Variants in HIP1 observed in about 807,000 individuals in gnomAD.
The protein encoded by HIP1 is huntingtin interacting protein 1, also known as huntingtin-interacting protein 1.
A neutral mutation model predicts 147.6 loss-of-function variants in HIP1; 65 were observed. The observed-to-expected ratio is 0.44, with a 90% CI of 0.36 to 0.54. HIP1 has a LOEUF of 0.54. Ranked by LOEUF, HIP1 falls within the 20% of genes least tolerant of loss-of-function variation. The pLI, the probability that HIP1 is intolerant of heterozygous loss-of-function variation, is 0.00. For synonymous variants in HIP1, 479 were observed against 504.0 expected (o/e 0.95, Z 0.67); for missense variants, 1,061 against 1,299.6 (o/e 0.82, Z 2.82).
intron 1 of HIP1, among the ~76,000 whole-genome samples, chr7:75,677,536 T>C (rs2705806): frequency 0.58 from 83,606 of 144,616 alleles, 24,238 homozygotes; most frequent in African/African-American, 0.67. Context: ...AACCTGGAGG[T>C]GGAGTTTGCA....
chr7:75,548,814 G>A, intron 23 of HIP1, 77 bp downstream of exon 23: 1 of 1,111,798 alleles, frequency 9.0e-7, no homozygotes, highest in Non-Finnish European at 1.4e-6. Flanking sequence ...GAACGACTGT[G>A]ACATGTTTAA....
intron 1 of HIP1, among the ~76,000 whole-genome samples, chr7:75,664,742 TC>T (rs1221091424): frequency 1.3e-5 from 2 of 151,900 alleles, no homozygotes; most frequent in Non-Finnish European, 2.9e-5. Context: ...TGCCTCAGCT[TC>T]CTGAGTAGCT....
chr7:75,693,286 G>A (rs144883888), intron 1 of HIP1, among the ~76,000 whole-genome samples: 6 of 152,020 alleles, frequency 3.9e-5, no homozygotes, highest in Non-Finnish European at 8.8e-5. Context: ...CTCCTTTGTT[G>A]TTTTATTTGT....
intron 8 of HIP1, among the ~76,000 whole-genome samples, chr7:75,569,622 A>ACAAAACAAAT (rs1216188097): frequency 2.0e-5 from 3 of 152,104 alleles, no homozygotes; most frequent in Non-Finnish European, 4.4e-5. Flanking sequence ...ACAAAACAAA[A>ACAAAACAAAT]CAAAACAAAA....
chr7:75,655,586 A>AAAAAG (rs1204729555), intron 1 of HIP1, among the ~76,000 whole-genome samples: 60 of 150,834 alleles, frequency 4.0e-4, no homozygotes, highest in East Asian at 1.6e-3. Context: ...GTCTCAAAAA[A>AAAAAG]AAAAGAAAAG....
In HIP1 at chr7:75,581,251, T is replaced by G. The variant is rs1554498530; in HGVS notation, c.590A>C (p.Asn197Thr). Residue 197 changes from asparagine to threonine, a missense_variant, in exon 7 of 31, where the codon AAC becomes ACC. Asn to Thr is a moderately conservative substitution (Grantham distance 65). Around this residue, in one of 3 missense-constraint regions of HIP1, gnomAD observed 225 missense variants for 292.9 expected, o/e 0.77. Coordinates refer to ENST00000336926, the MANE Select transcript of HIP1 (RefSeq NM_005338.7). ...AAGAGACTCACCTGTTTGGAAGAGG[T>G]TGAGTTCACACTCCAGGTAGTCAAA... is the stretch of plus-strand genomic sequence containing the variant. ...EMFDYLECEL[N>T]LFQTVFNSLD... The G allele has an allele frequency of 6.2e-7, 1 of 1,611,018 alleles. No individual in the cohort carries two copies. Among genetic ancestry groups the G allele is most frequent in the South Asian group, 1.1e-5 (1 of 90,462 alleles).
At chr7:75,669,593 C>T (rs1010705884) in intron 1 of HIP1, among the ~76,000 whole-genome samples, 1 of 144,764 alleles carries the variant, frequency 6.9e-6, no homozygotes, top group Admixed American at 7.0e-5. Context: ...ACAAGAAACA[C>T]CATACCTGTT....
intron 19 of HIP1, among the ~76,000 whole-genome samples, chr7:75,554,734 T>C (rs1448034326): frequency 6.6e-6 from 1 of 152,138 alleles, no homozygotes; most frequent in African/African-American, 2.4e-5. Context: ...TTTATCAGTG[T>C]GACCCACTGT....
intron 2 of HIP1, among the ~76,000 whole-genome samples, chr7:75,592,816 C>T (rs1432072201): frequency 6.6e-6 from 1 of 152,220 alleles, no homozygotes; most frequent in African/African-American, 2.4e-5. Flanking sequence ...ATAAAATCCA[C>T]TTGAGTAGAC....
intron 1 of HIP1, among the ~76,000 whole-genome samples, chr7:75,623,090 C>T (rs1213523267): frequency 6.9e-6 from 1 of 145,718 alleles, no homozygotes; most frequent in African/African-American, 2.6e-5. Context: ...CCCAGCTACT[C>T]GGGAGGCTGA....
chr7:75,635,053 C>A lies in HIP1; in HGVS notation c.121-35806G>T, dbSNP rs114199554. Among the ~76,000 whole-genome samples the A allele has an allele frequency of 7.3e-5, 11 of 151,332 alleles. No individual in the cohort carries two copies. The East Asian group carries it at 1.9e-3, about 27-fold the overall frequency. On this transcript the variant is annotated intron_variant, in intron 1 of 30. Transcript: ENST00000336926. Reference sequence around the variant, plus strand: ...TATGTTCTTTGGTAATAATTGATAGCGTTGACTCTATTTCCCAAATTACAG... The same window carrying A: ...TATGTTCTTTGGTAATAATTGATAGAGTTGACTCTATTTCCCAAATTACAG...
chr7:75,621,455 C>T (rs1460717199), intron 1 of HIP1, among the ~76,000 whole-genome samples: 1 of 152,128 alleles, frequency 6.6e-6, no homozygotes, highest in East Asian at 1.9e-4. Flanking sequence ...GGGGTCTTGC[C>T]ATGTTGCCCA....
At chr7:75,732,971 C>G (rs1209599336) in intron 1 of HIP1, among the ~76,000 whole-genome samples, 1 of 152,192 alleles carries the variant, frequency 6.6e-6, no homozygotes, top group African/African-American at 2.4e-5. Context: ...ACGAGCCCCC[C>G]AGAGCCGGTC....
intron 1 of HIP1, among the ~76,000 whole-genome samples, chr7:75,686,542 A>G (rs1187004874): frequency 6.6e-6 from 1 of 152,004 alleles, no homozygotes; most frequent in Non-Finnish European, 1.5e-5. Context: ...CAGCGCAGGG[A>G]GCTTATTTGG....
chr7:75,636,108 G>A (rs371061195), intron 1 of HIP1, among the ~76,000 whole-genome samples: 1 of 150,436 alleles, frequency 6.6e-6, no homozygotes, highest in Admixed American at 6.6e-5. Flanking sequence ...TTGGGAGGCT[G>A]AGGTGGGTGG....
At chr7:75,652,396 T>G (rs1422241295) in intron 1 of HIP1, among the ~76,000 whole-genome samples, 1 of 151,702 alleles carries the variant, frequency 6.6e-6, no homozygotes, top group African/African-American at 2.4e-5. Context: ...AGAGATGGGG[T>G]GTTGCTCTGT....
rs185605362 is a variant in HIP1, at chr7:75,703,529, G to T, written c.120+35272C>A. ...GTGGTGGCACATGCCTGTAATCCCA[G>T]CTACTCAGGAGGCTGAGGCAAGAGA... On this transcript the variant is annotated intron_variant, in intron 1 of 30. Transcript: ENST00000336926. Among the ~76,000 whole-genome samples the T allele has an allele frequency of 8.4e-3, 1,271 of 152,044 alleles. 12 individuals carry two copies. Among genetic ancestry groups the T allele is most frequent in the Non-Finnish European group, 0.013 (916 of 67,978 alleles).
At chr7:75,649,824 C>T (rs1161114161) in intron 1 of HIP1, among the ~76,000 whole-genome samples, 2 of 152,192 alleles carry the variant, frequency 1.3e-5, no homozygotes, top group African/African-American at 4.8e-5. Context: ...AAGCTCCCAC[C>T]TGGAATTTTC....
intron 16 of HIP1, among the ~76,000 whole-genome samples, chr7:75,557,053 T>TA (rs1563200810): frequency 6.6e-6 from 1 of 150,722 alleles, no homozygotes; most frequent in African/African-American, 2.4e-5. Context: ...TTTATTTATT[T>TA]TTGAGACGGA....
Sources: allele counts gnomAD v4.1 joint callset (sites outside exome capture counted in the v4.1 genomes callset), GRCh38; gene constraint gnomAD v4.1.1; regional missense constraint gnomAD v4.1.1; transcripts MANE v1.5; gene names NCBI Gene and HGNC (gene_info 2026-07-23, HGNC 2026-07-21).